The following NEGR1 variants were observed in gnomAD, a reference collection of about 807,000 sequenced individuals.
NEGR1 encodes neuronal growth regulator 1.
In NEGR1, 10 loss-of-function variants were observed where a neutral mutation model predicts 40.9. The observed-to-expected ratio is 0.24, with a 90% CI of 0.15 to 0.42. The LOEUF (loss-of-function observed/expected upper bound fraction) is 0.42, where lower values mean the gene tolerates loss of function less well. NEGR1 is among the 10% of genes least tolerant of loss of function. NEGR1 has a pLI of 1.00. For synonymous variants in NEGR1, 185 were observed against 166.8 expected (o/e 1.11, Z -0.84); for missense variants, 352 against 438.9 (o/e 0.80, Z 1.77).
At chr1:72,154,028 A>G (rs1306731430) in intron 1 of NEGR1, among the ~76,000 whole-genome samples, 2 of 151,916 alleles carry the variant, frequency 1.3e-5, no homozygotes, top group East Asian at 3.9e-4. Flanking sequence ...GACAAATAAA[A>G]GAGTGTTGAA....
At chr1:72,069,788 A>T (rs1242520957) in intron 1 of NEGR1, among the ~76,000 whole-genome samples, 2 of 152,138 alleles carry the variant, frequency 1.3e-5, no homozygotes, top group African/African-American at 4.8e-5. Flanking sequence ...ATATTCCACT[A>T]ATCATACATA....
intron 1 of NEGR1, among the ~76,000 whole-genome samples, chr1:72,105,163 A>G (rs376738266): frequency 6.6e-6 from 1 of 152,138 alleles, no homozygotes; most frequent in African/African-American, 2.4e-5. Context: ...ACTATTCTCT[A>G]TACTACAGCC....
chr1:72,126,247 C>T (rs576894793), intron 1 of NEGR1, among the ~76,000 whole-genome samples: 2 of 152,012 alleles, frequency 1.3e-5, no homozygotes, highest in African/African-American at 4.8e-5. Context: ...ATTCCCTGAC[C>T]TTTGCAAACT....
chr1:72,012,053 G>A (rs912983965), intron 1 of NEGR1, among the ~76,000 whole-genome samples: 2 of 152,040 alleles, frequency 1.3e-5, no homozygotes, highest in African/African-American at 2.4e-5. Flanking sequence ...TGTGGAAGGC[G>A]TATTTTCCAA....
chr1:71,579,864 G>A (rs577034062), intron 6 of NEGR1, among the ~76,000 whole-genome samples: 2 of 152,098 alleles, frequency 1.3e-5, no homozygotes, highest in Non-Finnish European at 2.9e-5. Context: ...ATCCTCTGAG[G>A]TCTCATACCT....
intron 6 of NEGR1, among the ~76,000 whole-genome samples, chr1:71,514,452 C>T (rs1198777027): frequency 1.1e-5 from 1 of 94,396 alleles, no homozygotes; most frequent in Admixed American, 1.2e-4. Flanking sequence ...AGGCACCCCC[C>T]AGCAGGGGCA....
chr1:71,935,524 AGTGTG>A (rs1268916230), intron 1 of NEGR1, among the ~76,000 whole-genome samples: 23 of 149,424 alleles, frequency 1.5e-4, no homozygotes, highest in African/African-American at 5.6e-4. Flanking sequence ...TTAAGTGTGT[AGTGTG>A]TGTGTGTGTG....
intron 1 of NEGR1, among the ~76,000 whole-genome samples, chr1:72,231,633 G>A (rs1208050329): frequency 6.6e-6 from 1 of 152,034 alleles, no homozygotes; most frequent in Admixed American, 6.6e-5. Flanking sequence ...CAATGACTTT[G>A]TAATGATCCA....
chr1:72,161,660 T>TTTTCTTTC (rs1180219113), intron 1 of NEGR1, among the ~76,000 whole-genome samples: 1 of 146,814 alleles, frequency 6.8e-6, no homozygotes, highest in African/African-American at 2.5e-5. Flanking sequence ...ATTATTTATT[T>TTTTCTTTC]TTTCTTTCTT....
At chr1:71,904,624 T>C (rs1765607) in intron 2 of NEGR1, among the ~76,000 whole-genome samples, 64,502 of 151,922 alleles carry the variant, frequency 0.42, 13,813 homozygotes, top group East Asian at 0.61. Context: ...AAAGTGGCTG[T>C]GAACAAATTC....
At chr1:71,727,583 A>G (rs1475791405) in intron 3 of NEGR1, among the ~76,000 whole-genome samples, 1 of 152,166 alleles carries the variant, frequency 6.6e-6, no homozygotes, top group Admixed American at 6.6e-5. Flanking sequence ...AAGCACAAAT[A>G]CAAGAAAGAA....
At chr1:71,793,784 G>T (rs1304676800) in intron 2 of NEGR1, among the ~76,000 whole-genome samples, 1 of 151,932 alleles carries the variant, frequency 6.6e-6, no homozygotes, top group African/African-American at 2.4e-5. Context: ...CATCAATACA[G>T]ATTTAAGGAT....
At chr1:71,575,514 T>C (rs888757537) in intron 6 of NEGR1, among the ~76,000 whole-genome samples, 5 of 152,212 alleles carry the variant, frequency 3.3e-5, no homozygotes, top group African/African-American at 1.2e-4. Flanking sequence ...TTGGGCACGG[T>C]GGCTCATGCC....
chr1:72,247,012 G>A (rs759092908), intron 1 of NEGR1, among the ~76,000 whole-genome samples: 3 of 152,216 alleles, frequency 2.0e-5, no homozygotes, highest in East Asian at 3.8e-4. Context: ...TCTGTGAGCC[G>A]TGGATAGAAT....
intron 3 of NEGR1, among the ~76,000 whole-genome samples, chr1:71,749,672 C>A (rs1240212608): frequency 3.3e-5 from 5 of 152,170 alleles, no homozygotes; most frequent in Non-Finnish European, 1.5e-5. Context: ...CCAGCTCTTG[C>A]TCCATTTCAT....
intron 1 of NEGR1, among the ~76,000 whole-genome samples, chr1:72,127,938 A>G (rs1273133882): frequency 6.6e-6 from 1 of 152,196 alleles, no homozygotes; most frequent in Non-Finnish European, 1.5e-5. Context: ...ATAAATGTTT[A>G]TATGTTAGAA....
intron 3 of NEGR1, among the ~76,000 whole-genome samples, chr1:71,710,714 G>C (rs1013710296): frequency 3.3e-5 from 5 of 152,086 alleles, no homozygotes; most frequent in Admixed American, 2.6e-4. Context: ...GTCATAAAGA[G>C]TAGAAGGATG....
chr1:71,728,793 G>T (rs532510569), intron 3 of NEGR1, among the ~76,000 whole-genome samples: 2 of 152,058 alleles, frequency 1.3e-5, no homozygotes, highest in Non-Finnish European at 2.9e-5. Context: ...GCTCATTAGC[G>T]TAAGTTTTCT....
intron 4 of NEGR1, among the ~76,000 whole-genome samples, chr1:71,653,894 A>T (rs529854079): frequency 6.6e-6 from 1 of 152,210 alleles, no homozygotes; most frequent in Non-Finnish European, 1.5e-5. Flanking sequence ...AGTCACTTTC[A>T]AAACCCATGG....
Sources: allele counts gnomAD v4.1 joint callset (sites outside exome capture counted in the v4.1 genomes callset), GRCh38; gene constraint gnomAD v4.1.1; transcripts MANE v1.5; gene names NCBI Gene and HGNC (gene_info 2026-07-23, HGNC 2026-07-21).